EI24: variants seen among roughly 807,000 people sequenced by gnomAD.
EI24 encodes the protein EI24 autophagy associated transmembrane protein, also known as etoposide-induced protein 2.4 homolog.
In EI24, 21 loss-of-function variants were observed where a neutral mutation model predicts 48.6. The observed-to-expected ratio is 0.43, with a 90% confidence interval of 0.31 to 0.62. The LOEUF is 0.62. Among genes scored for constraint, EI24 ranks in the 20% least tolerant of loss-of-function variants. The pLI is 0.10. For synonymous variants in EI24, 114 were observed against 145.5 expected (o/e 0.78, Z 1.56); for missense variants, 280 against 410.5 (o/e 0.68, Z 2.75).
intron 2 of EI24, 21 bp downstream of exon 2, chr11:125,572,590 G>A: frequency 6.2e-7 from 1 of 1,610,234 alleles, no homozygotes; most frequent in Non-Finnish European, 8.5e-7. Flanking sequence ...CTTGTTTATA[G>A]GAATTCATCT....
chr11:125,582,139 G>T (rs543872297), intron 9 of EI24, among the ~76,000 whole-genome samples: 1 of 151,822 alleles, frequency 6.6e-6, no homozygotes, highest in Non-Finnish European at 1.5e-5. Context: ...CGGAGGTTGC[G>T]GTGAGTTGAG....
intron 2 of EI24, chr11:125,574,825 T>C (rs1938671378): frequency 6.5e-6 from 1 of 153,138 alleles, no homozygotes; most frequent in Admixed American, 6.5e-5. Flanking sequence ...TTAAAAACTT[T>C]TTTAAAAAAA....
At chr11:125,571,698 G>A (rs1158435442) in intron 1 of EI24, among the ~76,000 whole-genome samples, 3 of 152,088 alleles carry the variant, frequency 2.0e-5, no homozygotes, top group Non-Finnish European at 2.9e-5. Flanking sequence ...CCAACATGGC[G>A]AAACCCCATC....
chr11:125,576,348 C>G (rs1938747140), intron 4 of EI24, 33 bp downstream of exon 4: 1 of 1,599,654 alleles, frequency 6.3e-7, no homozygotes, highest in Non-Finnish European at 8.6e-7. Context: ...GCCTTATAAG[C>G]ATCTTCAGAT....
intron 3 of EI24, chr11:125,576,054 T>C: frequency 1.7e-6 from 1 of 576,728 alleles, no homozygotes; most frequent in Non-Finnish European, 3.1e-6. Flanking sequence ...CCTCCCAAAG[T>C]GTTAGGATTA....
intron 3 of EI24, chr11:125,575,800 G>A (rs781366559): frequency 2.6e-5 from 2 of 76,620 alleles, no homozygotes; most frequent in East Asian, 4.1e-4. Flanking sequence ...TTTTTTTTTT[G>A]AGACGGATTC....
At chr11:125,582,463 T>A in intron 10 of EI24, 43 bp downstream of exon 10, 1 of 1,462,020 alleles carries the variant, frequency 6.8e-7, no homozygotes. Flanking sequence ...TGTAAAGGGT[T>A]GGGGCTGTAA....
chr11:125,577,550 C>T lies in EI24; in HGVS notation c.296C>T (p.Ser99Leu), dbSNP rs1477844259. The T allele has an allele frequency of 6.8e-6, 11 of 1,613,682 alleles. No homozygotes were observed. The highest frequency in any genetic ancestry group is 2.2e-5 in the East Asian group (1 of 44,886). The change falls in exon 5 of 11, where the codon TCG becomes TTG. Residue 99 changes from serine to leucine, a missense_variant. This residue lies in a region of EI24 where 204 missense variants were observed against 294.1 expected (regional missense o/e 0.69). Transcript: ENST00000278903. ...FYRVFIPVLQSVTARIIGDPS... is the reference protein window; with the variant it reads ...FYRVFIPVLQLVTARIIGDPS... ...CGAGTATTTATTCCTGTGCTTCAGT[C>T]GGTAACAGCCCGAATTATCGGTAAG...
chr11:125,582,765 A>G (rs1939066327), intron 10 of EI24, among the ~76,000 whole-genome samples: 2 of 152,214 alleles, frequency 1.3e-5, no homozygotes, highest in Non-Finnish European at 2.9e-5. Context: ...CTTCAAAGAA[A>G]AGCTCAATTC....
At chr11:125,570,089 CA>C (rs1938477748) in intron 1 of EI24, 2 of 152,244 alleles carry the variant, frequency 1.3e-5, no homozygotes, top group Non-Finnish European at 2.9e-5. Context: ...AATTTAATGG[CA>C]TTTGTATTTC....
chr11:125,582,447 T>C (rs1939052875), intron 10 of EI24, 27 bp downstream of exon 10: 1 of 1,563,210 alleles, frequency 6.4e-7, no homozygotes, highest in Non-Finnish European at 8.7e-7. Context: ...GATGAAATTT[T>C]TGCTGTGTAA....
chr11:125,576,071 T>TGA, intron 3 of EI24, 184 bp from the exon 4 acceptor site: 1 of 625,112 alleles, frequency 1.6e-6, no homozygotes, highest in South Asian at 1.9e-5. Flanking sequence ...ATTACAGCCG[T>TGA]GAGCCACTGC....
At chr11:125,575,446 A>C (rs1938701433) in intron 3 of EI24, 38 bp downstream of exon 3, 1 of 1,516,414 alleles carries the variant, frequency 6.6e-7, no homozygotes, top group South Asian at 1.3e-5. Flanking sequence ...TGTCCAAGGG[A>C]GGGAAGACCT....
chr11:125,576,078 C>A, intron 3 of EI24, 177 bp from the exon 4 acceptor site: 2 of 653,846 alleles, frequency 3.1e-6, no homozygotes, highest in East Asian at 2.8e-5. Flanking sequence ...CCGTGAGCCA[C>A]TGCGCTTGAC....
At chr11:125,577,712 A>T in intron 5 of EI24, 142 bp downstream of exon 5, 1 of 732,398 alleles carries the variant, frequency 1.4e-6, no homozygotes, top group South Asian at 2.2e-5. Context: ...CTTTTTAAAA[A>T]TTTATATTTC....
intron 2 of EI24, chr11:125,573,502 G>A (rs776972864): frequency 1.1e-5 from 4 of 379,430 alleles, no homozygotes; most frequent in South Asian, 1.9e-5. Context: ...TCAGCACTTT[G>A]GGAGACCAAG....
rs1555055547 is a variant in EI24, at chr11:125,584,259, A to AAAAAAT, written c.*579_*580insAATAAA. The AAAAAAT allele has an allele frequency of 8.1e-5, 11 of 135,776 alleles. No homozygotes were observed. The highest frequency in any genetic ancestry group is 1.1e-4 in the Non-Finnish European group (7 of 62,008). 8.4% of individuals were successfully genotyped at this position (135,776 alleles called of 1,614,324 possible). ...AAAAAAAAAAAAAAAAAAAAAAAAA[A>AAAAAAT]AAAGCCTGAAGAGATGAGATAGGAG... On this transcript the variant is annotated 3_prime_UTR_variant, in exon 11 of 11. Coordinates refer to ENST00000278903, the MANE Select transcript of EI24 (RefSeq NM_004879.5).
At chr11:125,573,838 C>T (rs1215561271) in intron 2 of EI24, among the ~76,000 whole-genome samples, 4 of 151,644 alleles carry the variant, frequency 2.6e-5, no homozygotes, top group East Asian at 2.0e-4. Context: ...CACACCACCA[C>T]GCCTGGCTAA....
At chr11:125,578,385 G>A (rs984747859) in intron 6 of EI24, 128 bp downstream of exon 6, 5 of 1,158,538 alleles carry the variant, frequency 4.3e-6, no homozygotes, top group Middle Eastern at 2.2e-4. Flanking sequence ...TCTTGGCCAG[G>A]TAGCCAGTAG....
Sources: allele counts gnomAD v4.1 joint callset (sites outside exome capture counted in the v4.1 genomes callset), GRCh38; gene constraint gnomAD v4.1.1; regional missense constraint gnomAD v4.1.1; transcripts MANE v1.5; gene names NCBI Gene and HGNC (gene_info 2026-07-23, HGNC 2026-07-21).